The following CACNA1C variants were observed in gnomAD, a reference collection of about 807,000 sequenced individuals.
CACNA1C encodes the protein voltage-dependent L-type calcium channel subunit alpha-1C.
In CACNA1C, 30 loss-of-function variants were observed where a neutral mutation model predicts 229.0. The observed-to-expected ratio is 0.13, with a 90% confidence interval of 0.10 to 0.18. CACNA1C has a LOEUF of 0.18. CACNA1C is among the 10% of genes least tolerant of loss of function. CACNA1C has a pLI of 1.00. For synonymous variants in CACNA1C, 1,114 were observed against 1,132.5 expected (o/e 0.98, Z 0.33); for missense variants, 1,658 against 2,845.0 (o/e 0.58, Z 9.49).
intron 8 of CACNA1C, among the ~76,000 whole-genome samples, chr12:2,510,168 G>A (rs1267946173): frequency 2.0e-5 from 3 of 152,200 alleles, no homozygotes; most frequent in Non-Finnish European, 4.4e-5. Flanking sequence ...TTGTCTTGCC[G>A]GCTTCAGTCC....
intron 13 of CACNA1C, 57 bp from the exon 14 acceptor site, chr12:2,581,533 C>T (rs952143315): frequency 1.4e-6 from 2 of 1,463,338 alleles, no homozygotes; most frequent in Non-Finnish European, 1.8e-6. Flanking sequence ...GAGAATGAGG[C>T]ACGATGGGGA....
intron 1 of CACNA1C, among the ~76,000 whole-genome samples, chr12:2,103,771 A>T (rs186255809): frequency 1.3e-5 from 2 of 152,294 alleles, no homozygotes; most frequent in East Asian, 3.9e-4. Flanking sequence ...TAAGGAAGGG[A>T]TCCAGTTTCA....
intron 3 of CACNA1C, among the ~76,000 whole-genome samples, chr12:2,292,113 CTACTAAGTGCCAGG>C (rs1261773916): frequency 6.6e-6 from 1 of 152,232 alleles, no homozygotes; most frequent in Non-Finnish European, 1.5e-5. Context: ...CCATGAAGCA[CTACTAAGTGCCAGG>C]CCTTGTGCTG....
chr12:1,993,650 G>GTGTT (rs2040070849), intron 1 of CACNA1C, among the ~76,000 whole-genome samples: 1 of 149,398 alleles, frequency 6.7e-6, no homozygotes, highest in South Asian at 2.1e-4. Flanking sequence ...GTGTGTGTGT[G>GTGTT]TGTGTGTATA....
Position 2,651,474 on chromosome 12 carries a change from A to G in CACNA1C, c.3946-166A>G. 1 of 929,296 alleles carries G rather than the reference A, an allele frequency of 1.1e-6. No homozygotes were observed. The highest frequency in any genetic ancestry group is 1.6e-5 in the African/African-American group (1 of 61,558). The allele number at this position is 929,296 out of a possible 1,614,324, so 57.6% of individuals were successfully genotyped here. ...GACCATGGGGCTGGGCTGTCCACTC[A>G]TTAAAGTGGGCGGCCGCCCTCCCAT... is the stretch of plus-strand genomic sequence containing the variant. On this transcript the variant is annotated intron_variant, in intron 31 of 46. Coordinates refer to ENST00000399655, the MANE Select transcript of CACNA1C (RefSeq NM_000719.7). This position sits in a 1 kb window ranked among gnomAD's most constrained non-coding sequence, Gnocchi z 5.4.
At chr12:1,978,671 C>A (rs906346087) in intron 1 of CACNA1C, among the ~76,000 whole-genome samples, 3 of 152,084 alleles carry the variant, frequency 2.0e-5, no homozygotes, top group African/African-American at 7.2e-5. Flanking sequence ...AGTCAACAAC[C>A]ACACCCCACT....
rs2099704070 is a variant in CACNA1C at position 2,488,108 on chromosome 12, C to G, written c.916+1846C>G. ...AAATGGTAGAATTCAGCCATCGAGC[C>G]AAAGATGGCGGCCCTGCTGTGCAAT... On this transcript the variant is annotated intron_variant, in intron 6 of 46. Transcript: ENST00000399655. The surrounding 1 kb of genome is among the most constrained non-coding windows in gnomAD (Gnocchi z 4.0). Among the ~76,000 whole-genome samples, 1 of 152,170 alleles carries G rather than the reference C, an allele frequency of 6.6e-6. No homozygotes were observed.
At chr12:2,274,906 A>G (rs1601743059) in intron 3 of CACNA1C, among the ~76,000 whole-genome samples, 1 of 152,146 alleles carries the variant, frequency 6.6e-6, no homozygotes, top group East Asian at 1.9e-4. Flanking sequence ...GGATGGACGA[A>G]TGTCCCTGTC....
chr12:2,605,084 C>G lies in CACNA1C; in HGVS notation c.2964C>G (p.Ser988=), dbSNP rs745474018. The change falls in exon 23 of 47, where the codon TCC becomes TCG. Residue 988 remains serine (S), a synonymous_variant. Transcript: ENST00000399655. This position sits in a 1 kb window ranked among gnomAD's most constrained non-coding sequence, Gnocchi z 6.2. ...CCTGCCTGTTTCCCTCTCCCAGGTC[C>G]AGTGCAATCAATGTCGTGAAGATCT... ...SVSLISFGIQ[S]SAINVVKILR... The G allele has an allele frequency of 1.2e-6, 2 of 1,613,224 alleles. No homozygotes were observed. The highest frequency in any genetic ancestry group is 1.7e-6 in the Non-Finnish European group (2 of 1,179,194).
chr12:2,416,528 G>A (rs553458901), intron 3 of CACNA1C, among the ~76,000 whole-genome samples: 2 of 152,320 alleles, frequency 1.3e-5, no homozygotes, highest in South Asian at 4.1e-4. Flanking sequence ...AAGGCACAGT[G>A]CTTAAGGAAT....
intron 1 of CACNA1C, among the ~76,000 whole-genome samples, chr12:2,007,503 A>T (rs2043670234): frequency 6.6e-6 from 1 of 152,232 alleles, no homozygotes; most frequent in Non-Finnish European, 1.5e-5. Context: ...TTCATGATTT[A>T]TTATTGCTTC....
intron 3 of CACNA1C, among the ~76,000 whole-genome samples, chr12:2,336,299 G>T (rs150614529): frequency 2.7e-4 from 41 of 152,328 alleles, no homozygotes; most frequent in African/African-American, 9.9e-4. Context: ...AGGAATTAGA[G>T]ACGGCTTTAT....
chr12:2,558,613 G>A (rs913628261), intron 11 of CACNA1C, among the ~76,000 whole-genome samples: 4 of 152,200 alleles, frequency 2.6e-5, no homozygotes, highest in African/African-American at 9.7e-5. Context: ...TCAAGCCAAG[G>A]GCTGACCTTC....
chr12:2,660,312 C>T (rs1165813579), intron 34 of CACNA1C: 1 of 152,152 alleles, frequency 6.6e-6, no homozygotes, highest in African/African-American at 2.4e-5. Flanking sequence ...TCTAGACTGA[C>T]TGATACTACT....
intron 1 of CACNA1C, among the ~76,000 whole-genome samples, chr12:2,073,449 C>T (rs530414302): frequency 6.6e-6 from 1 of 152,222 alleles, no homozygotes; most frequent in South Asian, 2.1e-4. Flanking sequence ...CCTTGCTGCA[C>T]TGTTCTTGCT....
intron 3 of CACNA1C, among the ~76,000 whole-genome samples, chr12:2,351,052 G>A (rs909408645): frequency 1.3e-5 from 2 of 152,234 alleles, no homozygotes; most frequent in Non-Finnish European, 2.9e-5. Flanking sequence ...CCTTCTGAAG[G>A]CAATTTCTGA....
chr12:2,313,313 T>A (rs934360926), intron 3 of CACNA1C, among the ~76,000 whole-genome samples: 2 of 152,146 alleles, frequency 1.3e-5, no homozygotes, highest in African/African-American at 4.8e-5. Context: ...GCTGAGATGG[T>A]CAAGGTCATC....
intron 3 of CACNA1C, among the ~76,000 whole-genome samples, chr12:2,421,583 A>G (rs1376123398): frequency 6.6e-6 from 1 of 152,156 alleles, no homozygotes; most frequent in Non-Finnish European, 1.5e-5. Context: ...TGAGCCTGCT[A>G]AGTTCCTTTC....
chr12:2,665,136 C>CA lies in CACNA1C; in HGVS notation c.4398+147dup. On this transcript the variant is annotated intron_variant, in intron 35 of 46. Transcript: ENST00000399655. The surrounding 1 kb of genome is among the most constrained non-coding windows in gnomAD (Gnocchi z 5.9). Reference sequence around the variant, plus strand: ...GACTAAGTTGGCAGGAGTGTCCAGCCACATGGAGAGAAAGGCAGAAAGCCC... The same window carrying CA: ...GACTAAGTTGGCAGGAGTGTCCAGCCAACATGGAGAGAAAGGCAGAAAGCCC... 2 of 768,824 alleles carry CA rather than the reference C, an allele frequency of 2.6e-6. No homozygotes were observed. Among genetic ancestry groups the CA allele is most frequent in the Non-Finnish European group, 4.2e-6 (2 of 478,740 alleles). 47.6% of individuals were successfully genotyped at this position (768,824 alleles called of 1,614,324 possible).
Sources: allele counts gnomAD v4.1 joint callset (sites outside exome capture counted in the v4.1 genomes callset), GRCh38; gene constraint gnomAD v4.1.1; non-coding constraint Gnocchi (gnomAD v3.1); transcripts MANE v1.5; gene names NCBI Gene and HGNC (gene_info 2026-07-23, HGNC 2026-07-21).